DENND3: variants seen among roughly 807,000 people sequenced by gnomAD.
The protein encoded by DENND3 is DENN domain-containing protein 3.
A neutral mutation model predicts 135.1 loss-of-function variants in DENND3; 88 were observed. The ratio of observed to expected loss-of-function variants is 0.65; its 90% confidence interval spans 0.55 to 0.78. DENND3 has a LOEUF of 0.78. DENND3 is among the 30% of genes least tolerant of loss of function. DENND3 has a pLI of 0.00. For missense variants in DENND3, 1,392 were observed against 1,688.4 expected, an observed-to-expected ratio of 0.82 and a Z score of 3.08; for synonymous variants, 693 against 712.3, an observed-to-expected ratio of 0.97 and a Z score of 0.43.
At chr8:141,193,302 C>G (rs1825022110) in intron 22 of DENND3, 1 of 149,694 alleles carries the variant, frequency 6.7e-6, no homozygotes, top group East Asian at 2.0e-4. Flanking sequence ...GTTCCACATG[C>G]AAAATACACC....
intron 18 of DENND3, 80 bp downstream of exon 18, chr8:141,185,358 C>T: frequency 2.5e-6 from 4 of 1,572,836 alleles, no homozygotes; most frequent in Non-Finnish European, 3.5e-6. Context: ...CCATATTCGA[C>T]AGTAGGATAC....
chr8:141,144,322 A>G lies in DENND3; in HGVS notation c.735+63A>G. ...AAATAGTAAAAGTAAGATGTTGAAG[A>G]TAATGTAAATGCTCACAACTATTTC... On this transcript the variant is annotated intron_variant, in intron 5 of 22. Transcript: ENST00000519811. This position sits in a 1 kb window ranked among gnomAD's most constrained non-coding sequence, Gnocchi z 4.4. 1 of 1,401,930 alleles carries G rather than the reference A, an allele frequency of 7.1e-7. No homozygotes were observed. Among genetic ancestry groups the G allele is most frequent in the Non-Finnish European group, 9.8e-7 (1 of 1,017,160 alleles). 86.8% of individuals were successfully genotyped at this position (1,401,930 alleles called of 1,614,324 possible).
chr8:141,176,432 A>G (rs1461099488), intron 14 of DENND3, among the ~76,000 whole-genome samples, 159 bp from the exon 15 acceptor site: 4 of 152,306 alleles, frequency 2.6e-5, no homozygotes, highest in East Asian at 3.9e-4. Flanking sequence ...CCATGGGAAC[A>G]CTGCCCCTCA....
chr8:141,185,002 C>T lies in DENND3; in HGVS notation c.2945-137C>T, dbSNP rs1200306864. 5.3e-6 allele frequency: 6 copies of T among 1,136,438 alleles called. No individual in the cohort carries two copies. In the South Asian group the frequency reaches 5.4e-5, roughly 10 times the overall value. 70.4% of individuals were successfully genotyped at this position (1,136,438 alleles called of 1,614,324 possible). A position where few individuals can be genotyped will look rare whatever the true frequency, so the allele number is the denominator to read the frequency against. On this transcript the variant is annotated intron_variant, in intron 17 of 22. Transcript: ENST00000519811. ...GGGCAGGGAAGCCTCTGCCTGGGCA[C>T]GTCTTTGTACGTACAGCACCTAACA...
In DENND3 at chr8:141,166,486, G is replaced by A. The variant is rs1245223792; in HGVS notation, c.1753+97G>A. 12 of 1,269,618 alleles carry A rather than the reference G, an allele frequency of 9.5e-6. No homozygotes were observed. The highest frequency in any genetic ancestry group is 2.5e-5 in the Admixed American group (1 of 40,498). 78.6% of individuals were successfully genotyped at this position (1,269,618 alleles called of 1,614,324 possible). ...AACTGGGACTTGTTTCAGGAGAGAC[G>A]AGTGGGCTTGTTTTAGCAGCTGAGT... On this transcript the variant is annotated intron_variant, in intron 12 of 22. Transcript: ENST00000519811. This position sits in a 1 kb window ranked among gnomAD's most constrained non-coding sequence, Gnocchi z 4.3.
chr8:141,189,101 C>G lies in DENND3; in HGVS notation c.3200C>G (p.Ser1067Cys). ...SCNKQLTAHC[S>C]SVTDLIVQDG... is the part of the protein sequence containing the mutation. ...AACAAGCAGCTCACAGCCCACTGCT[C>G]CAGTGTCACGGATTTGATTGTGCAG... The change falls in exon 19 of 23, where the codon TCC becomes TGC. Residue 1067 changes from serine to cysteine, a missense_variant. By Grantham distance (112) the Ser-to-Cys change is moderately radical. Coordinates refer to ENST00000519811, the MANE Select transcript of DENND3 (RefSeq NM_001352890.3). The G allele has an allele frequency of 6.2e-7, 1 of 1,614,204 alleles. No individual in the cohort carries two copies. Among genetic ancestry groups the G allele is most frequent in the Non-Finnish European group, 8.5e-7 (1 of 1,180,032 alleles).
chr8:141,174,394 A>G lies in DENND3; in HGVS notation c.2276-806A>G, dbSNP rs1228143983. ...GGGGACTTGCTGCACGTCAGGGGAC[A>G]GAGAGAGGGACACTGGGTGGAGGCA... is the stretch of plus-strand genomic sequence containing the variant. On this transcript the variant is annotated intron_variant, in intron 13 of 22. Transcript: ENST00000519811. This position sits in a 1 kb window ranked among gnomAD's most constrained non-coding sequence, Gnocchi z 4.6. Among the ~76,000 whole-genome samples, 2 of 152,156 alleles carry G rather than the reference A, an allele frequency of 1.3e-5. No homozygotes were observed. Among genetic ancestry groups the G allele is most frequent in the Non-Finnish European group, 2.9e-5 (2 of 68,022 alleles).
chr8:141,151,055 G>A (rs1818746334), intron 6 of DENND3, 102 bp downstream of exon 6: 4 of 1,396,294 alleles, frequency 2.9e-6, no homozygotes, highest in East Asian at 2.6e-5. Context: ...ATTCCACAAT[G>A]CACCGACTGG....
intron 18 of DENND3, among the ~76,000 whole-genome samples, chr8:141,186,082 G>A (rs1296106557): frequency 6.6e-6 from 1 of 151,738 alleles, no homozygotes; most frequent in Non-Finnish European, 1.5e-5. Flanking sequence ...GGGACTACAG[G>A]TGCATGCTAC....
In DENND3 at chr8:141,175,640, C is replaced by T. The variant is rs1013890651; in HGVS notation, c.2535+181C>T. On this transcript the variant is annotated intron_variant, in intron 14 of 22. Coordinates refer to ENST00000519811, the MANE Select transcript of DENND3 (RefSeq NM_001352890.3). This position sits in a 1 kb window ranked among gnomAD's most constrained non-coding sequence, Gnocchi z 5.4. ...AAAGTAGGAATAAGGCTGATACCTTCTCAGTGGGTGGTGGAGATTGAATAG... is the reference window on the plus strand; with the variant it reads ...AAAGTAGGAATAAGGCTGATACCTTTTCAGTGGGTGGTGGAGATTGAATAG... 10 of 854,396 alleles carry T rather than the reference C, an allele frequency of 1.2e-5. No individual in the cohort carries two copies. The highest frequency in any genetic ancestry group is 1.9e-5 in the Non-Finnish European group (10 of 530,842). 52.9% of individuals were successfully genotyped at this position (854,396 alleles called of 1,614,324 possible). A position where few individuals can be genotyped will look rare whatever the true frequency, so the allele number is the denominator to read the frequency against.
At position 141,188,829 on chromosome 8, in the gene DENND3, C is replaced by T. The variant is rs142468826; in HGVS notation, c.3085-157C>T. The stretch of plus-strand genomic sequence containing the variant: ...TTATGCACTGATGGGTGGATGACAA[C>T]GTCAGGGCCAGAGGCTCCCAGGACC... On this transcript the variant is annotated intron_variant, in intron 18 of 22. Coordinates refer to ENST00000519811, the MANE Select transcript of DENND3 (RefSeq NM_001352890.3). 2.9e-4 allele frequency: 270 copies of T among 916,904 alleles called. 1 individual carries two copies. The African/African-American group carries it at 3.6e-3, about 12-fold the overall frequency. 56.8% of individuals were successfully genotyped at this position (916,904 alleles called of 1,614,324 possible).
Position 141,194,629 on chromosome 8 carries a change from C to T in DENND3, c.*396C>T, listed in dbSNP as rs1277685350. 5.1e-6 allele frequency: 1 copy of T among 196,728 alleles called. No individual in the cohort carries two copies. The highest frequency in any genetic ancestry group is 9.8e-6 in the Non-Finnish European group (1 of 102,346). 12.2% of individuals were successfully genotyped at this position (196,728 alleles called of 1,614,324 possible). Reference sequence around the variant, plus strand: ...ACGTCTCTGGTTTTACCTTTCCTTACTTCATTCATTCACTCACCCAGTCCT... The same window carrying T: ...ACGTCTCTGGTTTTACCTTTCCTTATTTCATTCATTCACTCACCCAGTCCT... On this transcript the variant is annotated 3_prime_UTR_variant, in exon 23 of 23. Transcript: ENST00000519811.
intron 20 of DENND3, chr8:141,190,718 G>T: frequency 3.2e-6 from 1 of 311,324 alleles, no homozygotes; most frequent in Non-Finnish European, 5.9e-6. Flanking sequence ...CTCTGGGGTT[G>T]AAGCTGGCCC....
Position 141,139,495 on chromosome 8 carries a change from G to A in DENND3, c.501+1358G>A, listed in dbSNP as rs1817193734. On this transcript the variant is annotated intron_variant, in intron 3 of 22. Coordinates refer to ENST00000519811, the MANE Select transcript of DENND3 (RefSeq NM_001352890.3). This position sits in a 1 kb window ranked among gnomAD's most constrained non-coding sequence, Gnocchi z 4.2. ...ATGCAGGGGACCAGCGTCCGCCTCTGTGACCTGGCTGCCAGCAGCCCCAGG... is the reference window on the plus strand; with the variant it reads ...ATGCAGGGGACCAGCGTCCGCCTCTATGACCTGGCTGCCAGCAGCCCCAGG... 6.6e-6 allele frequency among the ~76,000 whole-genome samples: 1 copy of A among 152,210 alleles called. No homozygotes were observed. Among genetic ancestry groups the A allele is most frequent in the Non-Finnish European group, 1.5e-5 (1 of 68,038 alleles).
chr8:141,156,719 G>A (rs1437995446), intron 8 of DENND3, among the ~76,000 whole-genome samples: 1 of 151,666 alleles, frequency 6.6e-6, no homozygotes, highest in African/African-American at 2.4e-5. Flanking sequence ...GACGCATTCT[G>A]TCCGAGCTAG....
At chr8:141,171,261 G>GTGA (rs1270252543) in intron 13 of DENND3, among the ~76,000 whole-genome samples, 5 of 152,222 alleles carry the variant, frequency 3.3e-5, no homozygotes, top group Admixed American at 2.0e-4. Flanking sequence ...ACAAATTTAT[G>GTGA]TGATATAAGA....
Position 141,174,782 on chromosome 8 carries a change from T to G in DENND3, c.2276-418T>G, listed in dbSNP as rs531745420. On this transcript the variant is annotated intron_variant, in intron 13 of 22. Transcript: ENST00000519811. The surrounding 1 kb of genome is among the most constrained non-coding windows in gnomAD (Gnocchi z 4.6). ...AGGATCCAACCTTCCCGGCGTTAGCTTCATCCTAGGACTAGCTCCCCTTGT... is the reference window on the plus strand; with the variant it reads ...AGGATCCAACCTTCCCGGCGTTAGCGTCATCCTAGGACTAGCTCCCCTTGT... 6.6e-5 allele frequency among the ~76,000 whole-genome samples: 10 copies of G among 152,300 alleles called. No individual in the cohort carries two copies. In the East Asian group the frequency reaches 1.9e-3, roughly 29 times the overall value.
chr8:141,156,941 G>A (rs756828668), intron 8 of DENND3, among the ~76,000 whole-genome samples: 2 of 151,782 alleles, frequency 1.3e-5, no homozygotes, highest in East Asian at 3.9e-4. Context: ...GCACCTCCAC[G>A]TCTGGCTAAT....
chr8:141,192,167 T>A (rs2154613595), intron 20 of DENND3, 164 bp from the exon 21 acceptor site: 1 of 875,460 alleles, frequency 1.1e-6, no homozygotes, highest in East Asian at 2.7e-5. Context: ...CTAGCTTGCA[T>A]TTTTTCCCAG....
Sources: gnomAD v4.1 joint callset for allele counts (sites outside exome capture counted in the v4.1 genomes callset) on GRCh38, gnomAD v4.1.1 for gene constraint, Gnocchi (gnomAD v3.1) non-coding constraint, MANE v1.5 for transcripts, NCBI Gene and HGNC (gene_info 2026-07-23, HGNC 2026-07-21) for gene names.